DNAH14: variants seen among roughly 807,000 people sequenced by gnomAD.
DNAH14 encodes axonemal beta dynein heavy chain 14.
Under a neutral mutation model 520.9 loss-of-function variants are expected in DNAH14, and 478 were observed. The ratio of observed to expected loss-of-function variants is 0.92; its 90% CI spans 0.85 to 0.99. The LOEUF is 0.99. DNAH14 is among the 50% of genes least tolerant of loss of function. The pLI is 0.00. For synonymous variants in DNAH14, 1,581 were observed against 1,757.2 expected, an observed-to-expected ratio of 0.90 and a Z score of 2.51; for missense variants, 4,831 against 5,234.5, an observed-to-expected ratio of 0.92 and a Z score of 2.38.
At chr1:225,288,960 G>C (rs2093806609) in intron 54 of DNAH14, among the ~76,000 whole-genome samples, 1 of 152,018 alleles carries the variant, frequency 6.6e-6, no homozygotes, top group Admixed American at 6.6e-5. Flanking sequence ...CCATTTCTCT[G>C]TCTCTACACA....
rs1200543256 is a variant in DNAH14, at chr1:225,079,675, T to TC, written c.2766+127_2766+128insC. The stretch of plus-strand genomic sequence containing the variant: ...TAAATAGTTTAATACAAGTATTCTT[T>TC]TTTTTTTTTTTTTTTTGAGATGGAG... On this transcript the variant is annotated intron_variant, in intron 18 of 85. Coordinates refer to ENST00000682510, the MANE Select transcript of DNAH14 (RefSeq NM_001367479.1). 1.9e-4 allele frequency: 105 copies of TC among 560,902 alleles called. No individual in the cohort carries two copies. In the African/African-American group the frequency reaches 2.1e-3, roughly 11 times the overall value. The allele number at this position is 560,902 out of a possible 1,614,324, so 34.7% of individuals were successfully genotyped here.
At chr1:224,967,933 A>G in intron 6 of DNAH14, 1 of 1,189,844 alleles carries the variant, frequency 8.4e-7, no homozygotes, top group Non-Finnish European at 1.0e-6. Context: ...CACATTTGTC[A>G]GAAACTTTAT....
intron 54 of DNAH14, among the ~76,000 whole-genome samples, chr1:225,282,168 G>A (rs148480823): frequency 1.1e-4 from 17 of 152,330 alleles, no homozygotes; most frequent in Non-Finnish European, 2.5e-4. Flanking sequence ...GTGAACCCAA[G>A]CAAGTCAGGG....
intron 71 of DNAH14, 98 bp downstream of exon 71, chr1:225,346,752 A>G: frequency 1.1e-6 from 1 of 902,032 alleles, no homozygotes; most frequent in Non-Finnish European, 1.6e-6. Flanking sequence ...TAATTGATTA[A>G]AGTAAAAGTA....
intron 48 of DNAH14, 40 bp from the exon 49 acceptor site, chr1:225,266,601 G>A (rs1293483758): frequency 5.1e-6 from 7 of 1,363,004 alleles, no homozygotes; most frequent in East Asian, 2.9e-5. Flanking sequence ...AAAGAAAGGT[G>A]TACTAATATA....
intron 43 of DNAH14, among the ~76,000 whole-genome samples, chr1:225,244,486 C>CT (rs998753516): frequency 2.1e-4 from 32 of 152,026 alleles, no homozygotes; most frequent in South Asian, 1.0e-3. Context: ...TGGTCCTGGG[C>CT]TTTTTTTGGT....
chr1:224,957,826 A>C (rs949944300), intron 3 of DNAH14, among the ~76,000 whole-genome samples: 2 of 152,182 alleles, frequency 1.3e-5, no homozygotes, highest in Non-Finnish European at 2.9e-5. Context: ...ATGAGGAAAT[A>C]GAGTTAGTGA....
At position 225,367,880 on chromosome 1, in the gene DNAH14, A is replaced by T; in HGVS notation, c.12166A>T (p.Thr4056Ser). The T allele has an allele frequency of 6.4e-7, 1 of 1,551,654 alleles. No individual in the cohort carries two copies. The highest frequency in any genetic ancestry group is 8.7e-7 in the Non-Finnish European group (1 of 1,146,916). The stretch of plus-strand genomic sequence containing the variant: ...TGGATGTACTGGGAGTGGAGAGGTA[A>T]CAGAAGAGATATTTGAAAATCCTGA... ...TFGCTGSGEV[T>S]EEIFENPDCG... Residue 4056 changes from threonine (T) to serine (S), a missense_variant, in exon 77 of 86, where the codon ACA becomes TCA. By Grantham distance (58) the Thr-to-Ser change is moderately conservative (BLOSUM62 1). Transcript: ENST00000682510.
intron 26 of DNAH14, among the ~76,000 whole-genome samples, chr1:225,123,309 T>C (rs2077436152): frequency 6.6e-6 from 1 of 152,166 alleles, no homozygotes; most frequent in Admixed American, 6.5e-5. Flanking sequence ...AATGGCCTTA[T>C]TAGAAAAGTA....
chr1:225,204,710 A>G (rs1011603496), intron 39 of DNAH14, among the ~76,000 whole-genome samples: 2 of 152,198 alleles, frequency 1.3e-5, no homozygotes, highest in African/African-American at 4.8e-5. Flanking sequence ...ACACTTTACT[A>G]TGTGCCAGTG....
Position 225,381,517 on chromosome 1 carries a change from A to T in DNAH14, c.13015A>T (p.Thr4339Ser). 6.5e-7 allele frequency: 1 copy of T among 1,548,228 alleles called. No individual in the cohort carries two copies. The highest frequency in any genetic ancestry group is 8.7e-7 in the Non-Finnish European group (1 of 1,146,120). The part of the protein sequence containing the change: ...QLAIKGEIIL[T>S]QELEEIFNSF... ...TGCTATAAAAGGAGAGATCATCCTCACCCAAGAATTGGAGGAAATATTTAA... is the reference window on the plus strand; with the variant it reads ...TGCTATAAAAGGAGAGATCATCCTCTCCCAAGAATTGGAGGAAATATTTAA... The change falls in exon 81 of 86, where the codon ACC becomes TCC. Residue 4339 changes from threonine to serine, a missense_variant. Physicochemically the swap from Thr to Ser is moderately conservative, Grantham distance 58 (BLOSUM62 1). Transcript: ENST00000682510.
chr1:225,111,100 G>C (rs906560870), intron 23 of DNAH14, among the ~76,000 whole-genome samples: 4 of 152,060 alleles, frequency 2.6e-5, no homozygotes, highest in Non-Finnish European at 5.9e-5. Context: ...GCAACCATTG[G>C]ATGAAATGTT....
intron 13 of DNAH14, 45 bp downstream of exon 13, chr1:225,043,159 G>C: frequency 6.6e-7 from 1 of 1,506,498 alleles, no homozygotes. Flanking sequence ...GCCAGGTGTG[G>C]TGGCTCATGC....
At chr1:225,045,081 A>G (rs909964282) in intron 15 of DNAH14, among the ~76,000 whole-genome samples, 4 of 152,240 alleles carry the variant, frequency 2.6e-5, no homozygotes, top group Admixed American at 2.6e-4. Flanking sequence ...AGCCATATAT[A>G]TAATTCTATG....
At chr1:225,332,048 A>G (rs1198457194) in intron 65 of DNAH14, among the ~76,000 whole-genome samples, 1 of 152,158 alleles carries the variant, frequency 6.6e-6, no homozygotes, top group Non-Finnish European at 1.5e-5. Flanking sequence ...AGCAGCCAAT[A>G]AAGAACATTT....
intron 54 of DNAH14, among the ~76,000 whole-genome samples, chr1:225,283,457 AT>A (rs1304161662): frequency 6.6e-6 from 1 of 151,888 alleles, no homozygotes; most frequent in African/African-American, 2.4e-5. Flanking sequence ...AAAAAAAGAC[AT>A]GCTATAATGA....
chr1:225,305,387 C>T (rs948578666), intron 58 of DNAH14, among the ~76,000 whole-genome samples: 13 of 152,160 alleles, frequency 8.5e-5, no homozygotes, highest in African/African-American at 3.1e-4. Context: ...GAGTGCCACT[C>T]CCCATGTCCT....
intron 67 of DNAH14, 141 bp downstream of exon 67, chr1:225,337,637 A>G (rs2095084845): frequency 1.5e-6 from 1 of 669,090 alleles, no homozygotes; most frequent in Non-Finnish European, 2.6e-6. Flanking sequence ...ATACTTACAG[A>G]CAGAGAGTGA....
chr1:225,372,707 C>T (rs1398640898), intron 77 of DNAH14, among the ~76,000 whole-genome samples: 1 of 152,020 alleles, frequency 6.6e-6, no homozygotes, highest in Admixed American at 6.6e-5. Context: ...AAAAGATAGG[C>T]ATATTTGATT....
Sources: gnomAD v4.1 joint callset for allele counts (sites outside exome capture counted in the v4.1 genomes callset) on GRCh38, gnomAD v4.1.1 for gene constraint, MANE v1.5 for transcripts, NCBI Gene and HGNC (gene_info 2026-07-23, HGNC 2026-07-21) for gene names.